The following JMJD1C variants were observed in gnomAD, a reference collection of about 807,000 sequenced individuals.
JMJD1C encodes jumonji domain-containing protein 1C.
JMJD1C carries 31 observed loss-of-function variants against 245.3 expected under a neutral mutation model. The ratio of observed to expected loss-of-function variants is 0.13; its 90% CI spans 0.09 to 0.17. The LOEUF (loss-of-function observed/expected upper bound fraction) is 0.17, where lower values mean the gene tolerates loss of function less well. Among genes scored for constraint, JMJD1C ranks in the 10% least tolerant of loss-of-function variants. JMJD1C has a pLI of 1.00. For missense variants in JMJD1C, 2,691 were observed against 3,000.2 expected (o/e 0.90, Z 2.41); for synonymous variants, 1,057 against 1,017.4 (o/e 1.04, Z -0.74).
intron 2 of JMJD1C, among the ~76,000 whole-genome samples, chr10:63,270,259 T>C (rs1054452821): frequency 9.2e-5 from 14 of 152,026 alleles, no homozygotes; most frequent in African/African-American, 3.1e-4. Flanking sequence ...CTCTGCCTCC[T>C]GGGTTCAAGC....
chr10:63,383,792 T>C (rs892049642), intron 1 of JMJD1C, among the ~76,000 whole-genome samples: 3 of 152,074 alleles, frequency 2.0e-5, no homozygotes, highest in African/African-American at 4.8e-5. Context: ...TTTCAGAGAG[T>C]TGTAGTATCT....
intron 1 of JMJD1C, among the ~76,000 whole-genome samples, chr10:63,436,603 T>TAC (rs1489473200): frequency 4.6e-5 from 7 of 152,208 alleles, no homozygotes; most frequent in Admixed American, 6.5e-5. Context: ...CTGTCCTAGT[T>TAC]TCTGTCCAAT....
chr10:63,186,969 T>G (rs570093329), intron 18 of JMJD1C, among the ~76,000 whole-genome samples: 1 of 152,274 alleles, frequency 6.6e-6, no homozygotes, highest in African/African-American at 2.4e-5. Context: ...CTGGGAGGAT[T>G]GCTTGAGCCC....
At chr10:63,394,860 T>C (rs1554919489) in intron 1 of JMJD1C, among the ~76,000 whole-genome samples, 1 of 135,070 alleles carries the variant, frequency 7.4e-6, no homozygotes. Context: ...AAAAAAAAAG[T>C]GATGTTAGAT....
chr10:63,307,014 G>A (rs530718465), intron 2 of JMJD1C, among the ~76,000 whole-genome samples: 5 of 152,204 alleles, frequency 3.3e-5, no homozygotes, highest in Admixed American at 1.3e-4. Context: ...GTACTGTAAC[G>A]TAAGTAATTT....
chr10:63,351,095 T>A (rs1363950723), intron 2 of JMJD1C, among the ~76,000 whole-genome samples: 2 of 151,076 alleles, frequency 1.3e-5, no homozygotes, highest in Non-Finnish European at 3.0e-5. Flanking sequence ...TTTTTTTTTT[T>A]TGAGATGGAG....
At chr10:63,432,163 T>C (rs1269164004) in intron 1 of JMJD1C, among the ~76,000 whole-genome samples, 3 of 152,184 alleles carry the variant, frequency 2.0e-5, no homozygotes, top group Admixed American at 2.0e-4. Flanking sequence ...CTCACTACCA[T>C]ACTAAAATCC....
chr10:63,329,272 C>T (rs1302832190), intron 2 of JMJD1C, among the ~76,000 whole-genome samples: 1 of 147,912 alleles, frequency 6.8e-6, no homozygotes, highest in Admixed American at 6.8e-5. Flanking sequence ...ACAGGGAGAC[C>T]TTATTTCAAA....
chr10:63,345,834 A>AT (rs201544517), intron 2 of JMJD1C, among the ~76,000 whole-genome samples: 7 of 151,634 alleles, frequency 4.6e-5, no homozygotes, highest in African/African-American at 4.8e-5. Flanking sequence ...AAAACCAGTA[A>AT]TTTTTTTTTC....
At chr10:63,335,648 A>G (rs1942646478) in intron 2 of JMJD1C, among the ~76,000 whole-genome samples, 1 of 152,106 alleles carries the variant, frequency 6.6e-6, no homozygotes, top group Non-Finnish European at 1.5e-5. Context: ...AGTAGCTAGG[A>G]TTACAGGCAC....
intron 1 of JMJD1C, among the ~76,000 whole-genome samples, chr10:63,405,199 A>G (rs758955858): frequency 6.6e-6 from 1 of 152,194 alleles, no homozygotes; most frequent in Non-Finnish European, 1.5e-5. Context: ...TAGGTATTAA[A>G]TATGTTTTTC....
chr10:63,457,380 C>T (rs1589784577), intron 1 of JMJD1C, among the ~76,000 whole-genome samples: 1 of 152,114 alleles, frequency 6.6e-6, no homozygotes, highest in Admixed American at 6.6e-5. Context: ...TATTTCAAAC[C>T]CACACACGGG....
At chr10:63,435,998 G>A (rs557349376) in intron 1 of JMJD1C, among the ~76,000 whole-genome samples, 2 of 152,250 alleles carry the variant, frequency 1.3e-5, no homozygotes, top group East Asian at 3.9e-4. Flanking sequence ...TTCAAAGAAA[G>A]GCAAAACCCT....
intron 24 of JMJD1C, among the ~76,000 whole-genome samples, chr10:63,173,629 G>T (rs982428258): frequency 1.9e-4 from 29 of 152,092 alleles, no homozygotes; most frequent in African/African-American, 7.0e-4. Context: ...GGGTGTGGTG[G>T]GGGGATCACT....
chr10:63,362,977 C>T (rs1311240958), intron 2 of JMJD1C, among the ~76,000 whole-genome samples: 2 of 152,042 alleles, frequency 1.3e-5, no homozygotes, highest in Non-Finnish European at 2.9e-5. Flanking sequence ...TCTCAGGGAC[C>T]TTCACTTTCC....
chr10:63,230,526 G>T (rs967676629), intron 3 of JMJD1C, among the ~76,000 whole-genome samples: 9 of 152,048 alleles, frequency 5.9e-5, no homozygotes, highest in Admixed American at 5.2e-4. Context: ...TAAATGTTTT[G>T]TCCATTTCAT....
At chr10:63,354,347 TTTA>T (rs1944621373) in intron 2 of JMJD1C, among the ~76,000 whole-genome samples, 1 of 152,220 alleles carries the variant, frequency 6.6e-6, no homozygotes, top group African/African-American at 2.4e-5. Context: ...ATTATTCATT[TTTA>T]TTGTTTGAAC....
Position 63,208,302 on chromosome 10 carries a change from T to C in JMJD1C, c.3367A>G (p.Ser1123Gly). Residue 1123 changes from serine to glycine, a missense_variant, in exon 10 of 26, where the codon AGT (serine) becomes GGT (glycine). Coordinates refer to ENST00000399262, the MANE Select transcript of JMJD1C (RefSeq NM_032776.3). ...EVSNIYGDKQ[S>G]NALAAAAANP... ...GCTGCTGCCGCTGCAAGGGCATTAC[T>C]CTGTTTATCACCGTAAATATTTGAA... The C allele has an allele frequency of 6.2e-7, 1 of 1,614,160 alleles. No homozygotes were observed. The highest frequency in any genetic ancestry group is 8.5e-7 in the Non-Finnish European group (1 of 1,180,010).
chr10:63,517,829 G>A (rs965199861), intron 1 of JMJD1C, among the ~76,000 whole-genome samples: 1 of 111,320 alleles, frequency 9.0e-6, no homozygotes, highest in Non-Finnish European at 1.7e-5. Context: ...GTCTCACTCT[G>A]TCACCCAAGC....
Sources: gnomAD v4.1 joint callset for allele counts (sites outside exome capture counted in the v4.1 genomes callset) on GRCh38, gnomAD v4.1.1 for gene constraint, MANE v1.5 for transcripts, NCBI Gene and HGNC (gene_info 2026-07-23, HGNC 2026-07-21) for gene names.